The following ADAMTSL3 variants were observed in gnomAD, a reference collection of about 807,000 sequenced individuals.
ADAMTSL3 encodes the protein ADAMTS like 3.
A neutral mutation model predicts 201.7 loss-of-function variants in ADAMTSL3; 128 were observed. The observed-to-expected ratio is 0.63, with a 90% CI of 0.55 to 0.73. The LOEUF is 0.73. Ranked by LOEUF, ADAMTSL3 falls within the 30% of genes least tolerant of loss-of-function variation. The pLI is 0.00. For missense variants in ADAMTSL3, 1,990 were observed against 2,119.6 expected (o/e 0.94, Z 1.20); for synonymous variants, 738 against 748.4 (o/e 0.99, Z 0.23).
At chr15:83,888,803 A>G (rs1475462455) in intron 10 of ADAMTSL3, among the ~76,000 whole-genome samples, 3 of 152,196 alleles carry the variant, frequency 2.0e-5, no homozygotes, top group Non-Finnish European at 4.4e-5. Flanking sequence ...TTTATAATGC[A>G]TACCAGTCCG....
chr15:83,823,916 C>A (rs572236222), intron 6 of ADAMTSL3, among the ~76,000 whole-genome samples: 2 of 88,108 alleles, frequency 2.3e-5, no homozygotes, highest in Admixed American at 2.4e-4. Context: ...TCTTCTTCTT[C>A]TTCTTCTTCT....
At chr15:83,691,944 T>C (rs1326907581) in intron 2 of ADAMTSL3, among the ~76,000 whole-genome samples, 1 of 152,140 alleles carries the variant, frequency 6.6e-6, no homozygotes, top group Non-Finnish European at 1.5e-5. Context: ...CAAATAAATA[T>C]AGAATGGTAT....
intron 21 of ADAMTSL3, among the ~76,000 whole-genome samples, chr15:83,985,733 A>C (rs2067463325): frequency 6.6e-6 from 1 of 152,064 alleles, no homozygotes; most frequent in Admixed American, 6.6e-5. Context: ...CCTCGTTTCA[A>C]GTGATTCTCC....
At chr15:83,778,524 A>G (rs2063117225) in intron 4 of ADAMTSL3, among the ~76,000 whole-genome samples, 1 of 152,228 alleles carries the variant, frequency 6.6e-6, no homozygotes, top group South Asian at 2.1e-4. Context: ...ATTAAGCTTC[A>G]TAAGTGAATG....
At chr15:83,977,254 T>C (rs780387268) in intron 20 of ADAMTSL3, among the ~76,000 whole-genome samples, 2 of 151,804 alleles carry the variant, frequency 1.3e-5, no homozygotes, top group South Asian at 4.1e-4. Context: ...TAGCCCCCAA[T>C]CCCCACCCCG....
At chr15:83,770,319 G>A (rs2141736908) in intron 3 of ADAMTSL3, among the ~76,000 whole-genome samples, 1 of 152,198 alleles carries the variant, frequency 6.6e-6, no homozygotes, top group African/African-American at 2.4e-5. Context: ...CATATTCTGG[G>A]TGGGACTAGG....
Position 84,038,045 on chromosome 15 carries a change from G to GCCA in ADAMTSL3, c.*241_*243dup, listed in dbSNP as rs2068542798. On this transcript the variant is annotated 3_prime_UTR_variant, in exon 30 of 30. Coordinates refer to ENST00000286744, the MANE Select transcript of ADAMTSL3 (RefSeq NM_207517.3). The stretch of plus-strand genomic sequence containing the variant: ...ATGAACAAAATACTATAGCATGCAT[G>GCCA]CCACTGCACTTGGGACCTCATCATG... 2.0e-5 allele frequency: 10 copies of GCCA among 511,412 alleles called. No homozygotes were observed. The South Asian group carries it at 2.8e-4, about 14-fold the overall frequency. The allele number at this position is 511,412 out of a possible 1,614,324, so 31.7% of individuals were successfully genotyped here.
Position 83,983,060 on chromosome 15 carries a change from G to C in ADAMTSL3, c.3432G>C (p.Glu1144Asp). 6.2e-7 allele frequency: 1 copy of C among 1,614,136 alleles called. No homozygotes were observed. Among genetic ancestry groups the C allele is most frequent in the African/African-American group, 1.3e-5 (1 of 75,034 alleles). The change falls in exon 21 of 30, where the codon GAG becomes GAC. Residue 1144 changes from glutamate to aspartate, a missense_variant. Physicochemically the swap from Glu to Asp is conservative, Grantham distance 45 (BLOSUM62 2). Transcript: ENST00000286744. ...TGCAGTGGCGGGGCATCCAGGAAGA[G>C]ACACCTCCTGCTGCTCAGCTCAGAG... ...THMQWRGIQE[E>D]TPPAAQLRGE...
chr15:83,678,672 C>T (rs2061437461), intron 2 of ADAMTSL3, among the ~76,000 whole-genome samples: 1 of 148,248 alleles, frequency 6.7e-6, no homozygotes, highest in Non-Finnish European at 1.5e-5. Context: ...TAGTCTTTTC[C>T]CCCAAATTGG....
intron 3 of ADAMTSL3, among the ~76,000 whole-genome samples, chr15:83,704,992 G>GTGTGTGTGTT (rs2061828611): frequency 6.6e-6 from 1 of 151,944 alleles, no homozygotes. Flanking sequence ...GTGTGTGTGT[G>GTGTGTGTGTT]TGTGTGTTGA....
chr15:83,722,653 A>T lies in ADAMTSL3; in HGVS notation c.189+18145A>T, dbSNP rs564502445. Among the ~76,000 whole-genome samples the T allele has an allele frequency of 3.9e-5, 6 of 152,316 alleles. No homozygotes were observed. The East Asian group carries it at 1.2e-3, about 29-fold the overall frequency. Reference sequence around the variant, plus strand: ...GAAGAAATTATTCATGCAAGAGGAAATGAAAAATATAATTACACATTATGT... The same window carrying T: ...GAAGAAATTATTCATGCAAGAGGAATTGAAAAATATAATTACACATTATGT... On this transcript the variant is annotated intron_variant, in intron 3 of 29. Coordinates refer to ENST00000286744, the MANE Select transcript of ADAMTSL3 (RefSeq NM_207517.3).
intron 3 of ADAMTSL3, among the ~76,000 whole-genome samples, chr15:83,766,353 A>T (rs2062890545): frequency 6.6e-6 from 1 of 152,258 alleles, no homozygotes; most frequent in Non-Finnish European, 1.5e-5. Context: ...AGTTTGTGTG[A>T]GAAAATGAAC....
intron 2 of ADAMTSL3, among the ~76,000 whole-genome samples, chr15:83,696,355 C>T (rs2061688563): frequency 6.6e-6 from 1 of 152,222 alleles, no homozygotes; most frequent in African/African-American, 2.4e-5. Context: ...GCTGGGATTA[C>T]AGGCATGAGT....
At chr15:83,801,645 A>ATATAAATATAAATATAAATATAAATAT (rs2063517183) in intron 4 of ADAMTSL3, among the ~76,000 whole-genome samples, 1 of 43,902 alleles carries the variant, frequency 2.3e-5, no homozygotes, top group African/African-American at 6.8e-5. Context: ...TAAATATATA[A>ATATAAATATAAATATAAATATAAATAT]ATATAAATAT....
chr15:83,768,947 C>T (rs187242267), intron 3 of ADAMTSL3, among the ~76,000 whole-genome samples: 1 of 152,126 alleles, frequency 6.6e-6, no homozygotes, highest in Non-Finnish European at 1.5e-5. Flanking sequence ...GTCTTCCTGG[C>T]TGAGGAGAGG....
intron 24 of ADAMTSL3, 114 bp from the exon 25 acceptor site, chr15:84,016,269 A>G: frequency 1.4e-6 from 1 of 738,802 alleles, no homozygotes; most frequent in Admixed American, 2.4e-5. Context: ...ATCCAGGAGC[A>G]CAGTATTATT....
At chr15:83,696,054 G>T (rs1037117138) in intron 2 of ADAMTSL3, among the ~76,000 whole-genome samples, 3 of 152,134 alleles carry the variant, frequency 2.0e-5, no homozygotes, top group Non-Finnish European at 4.4e-5. Flanking sequence ...AGCCCCTGAG[G>T]CCCCAGAGGA....
At chr15:83,931,602 C>G (rs1211302000) in intron 17 of ADAMTSL3, among the ~76,000 whole-genome samples, 1 of 152,176 alleles carries the variant, frequency 6.6e-6, no homozygotes, top group Non-Finnish European at 1.5e-5. Flanking sequence ...CAATTATAGT[C>G]TAAGTAATTG....
intron 20 of ADAMTSL3, among the ~76,000 whole-genome samples, 199 bp from the exon 21 acceptor site, chr15:83,982,074 A>G (rs1044591255): frequency 2.0e-5 from 3 of 152,188 alleles, no homozygotes; most frequent in Non-Finnish European, 4.4e-5. Flanking sequence ...CTTTGCCACT[A>G]AAGTACTAGA....
Sources: gnomAD v4.1 joint callset for allele counts (sites outside exome capture counted in the v4.1 genomes callset) on GRCh38, gnomAD v4.1.1 for gene constraint, MANE v1.5 for transcripts, NCBI Gene and HGNC (gene_info 2026-07-23, HGNC 2026-07-21) for gene names.